The following QTMAN variants were observed in gnomAD, a reference collection of about 807,000 sequenced individuals.
The protein encoded by QTMAN is queuosine-tRNA mannosyltransferase, also known as tRNA-queuosine alpha-mannosyltransferase.
the QTMAN span, among the ~76,000 whole-genome samples, chr2:144,155,581 C>G: frequency 1.3e-5 from 2 of 152,074 alleles, no homozygotes; most frequent in Non-Finnish European, 2.9e-5. Flanking sequence ...CTTCTAAATA[C>G]TATAAAGTTT....
At chr2:144,198,516 C>T in the QTMAN span, among the ~76,000 whole-genome samples, 1 of 152,126 alleles carries the variant, frequency 6.6e-6, no homozygotes, top group East Asian at 1.9e-4. Context: ...GGGAGTGATC[C>T]ATATGGTAAG....
At chr2:144,086,252 G>C in the QTMAN span, among the ~76,000 whole-genome samples, 1 of 152,258 alleles carries the variant, frequency 6.6e-6, no homozygotes, top group East Asian at 1.9e-4. Flanking sequence ...GGAATGACAG[G>C]GTGAGTGGTA....
the QTMAN span, among the ~76,000 whole-genome samples, chr2:144,161,286 A>T: frequency 5.3e-5 from 8 of 152,312 alleles, no homozygotes; most frequent in African/African-American, 1.9e-4. Context: ...TGGAAATGAT[A>T]TATTTAATCG....
the QTMAN span, among the ~76,000 whole-genome samples, chr2:144,238,111 A>G: frequency 6.6e-6 from 1 of 152,206 alleles, no homozygotes; most frequent in Non-Finnish European, 1.5e-5. Flanking sequence ...CATGCACTCT[A>G]ACTTCCTGTA....
At chr2:144,171,039 G>A in the QTMAN span, among the ~76,000 whole-genome samples, 1 of 152,142 alleles carries the variant, frequency 6.6e-6, no homozygotes, top group African/African-American at 2.4e-5. Flanking sequence ...TTCACTAGCT[G>A]TGAGACCTGG....
the QTMAN span, among the ~76,000 whole-genome samples, chr2:143,972,143 A>G: frequency 6.6e-6 from 1 of 152,176 alleles, no homozygotes; most frequent in African/African-American, 2.4e-5. Flanking sequence ...GATAGTTCTC[A>G]CAGGTACTAC....
chr2:144,173,124 C>T, the QTMAN span, among the ~76,000 whole-genome samples: 1 of 152,192 alleles, frequency 6.6e-6, no homozygotes, highest in East Asian at 1.9e-4. Context: ...TGTTGCTGTG[C>T]TTAACTCTGT....
the QTMAN span, among the ~76,000 whole-genome samples, chr2:144,097,764 C>T: frequency 3.2e-4 from 48 of 152,208 alleles, no homozygotes; most frequent in Non-Finnish European, 6.3e-4. Context: ...CTCAGCAATG[C>T]TTTTAAACCA....
At chr2:144,077,092 A>C in the QTMAN span, among the ~76,000 whole-genome samples, 1 of 152,128 alleles carries the variant, frequency 6.6e-6, no homozygotes, top group South Asian at 2.1e-4. Context: ...ATATATTTAC[A>C]AATTTGCACT....
At chr2:144,045,882 C>A in the QTMAN span, among the ~76,000 whole-genome samples, 1 of 152,102 alleles carries the variant, frequency 6.6e-6, no homozygotes, top group Non-Finnish European at 1.5e-5. Context: ...CATGTTAGCT[C>A]CAGCAAAAAT....
At chr2:144,188,490 G>A in the QTMAN span, among the ~76,000 whole-genome samples, 1 of 151,614 alleles carries the variant, frequency 6.6e-6, no homozygotes, top group Admixed American at 6.6e-5. Flanking sequence ...ATGACATTAT[G>A]CTGAGTCCTT....
chr2:144,201,483 T>C, the QTMAN span, among the ~76,000 whole-genome samples: 3 of 152,300 alleles, frequency 2.0e-5, no homozygotes, highest in Middle Eastern at 3.4e-3. Flanking sequence ...GGATTTTACA[T>C]AGGCAATAGG....
At chr2:144,081,792 C>A in the QTMAN span, among the ~76,000 whole-genome samples, 2 of 152,114 alleles carry the variant, frequency 1.3e-5, no homozygotes, top group Non-Finnish European at 2.9e-5. Flanking sequence ...GTCATTGTGG[C>A]AACATTATTC....
At chr2:144,324,647 C>A in the QTMAN span, among the ~76,000 whole-genome samples, 24 of 152,250 alleles carry the variant, frequency 1.6e-4, no homozygotes, top group African/African-American at 5.5e-4. Flanking sequence ...GGTCCGGACA[C>A]AGAGCTTGCT....
the QTMAN span, among the ~76,000 whole-genome samples, chr2:144,151,194 A>G: frequency 6.6e-6 from 1 of 152,148 alleles, no homozygotes; most frequent in African/African-American, 2.4e-5. Context: ...ACATTATTGC[A>G]TACTTTCATT....
chr2:144,247,471 A>C, the QTMAN span, among the ~76,000 whole-genome samples: 1 of 152,214 alleles, frequency 6.6e-6, no homozygotes, highest in African/African-American at 2.4e-5. Context: ...AAAAATTGGA[A>C]TCTAACTATA....
chr2:144,192,891 AT>A, the QTMAN span, among the ~76,000 whole-genome samples: 4 of 152,108 alleles, frequency 2.6e-5, no homozygotes, highest in South Asian at 2.1e-4. Context: ...CATTTATCTA[AT>A]TTTTTTTGGC....
chr2:144,297,185 A>C, the QTMAN span, among the ~76,000 whole-genome samples: 3 of 152,298 alleles, frequency 2.0e-5, no homozygotes, highest in African/African-American at 7.2e-5. Flanking sequence ...AAGTTTAGTG[A>C]ACCACCATCA....
chr2:144,271,556 C>T, the QTMAN span, among the ~76,000 whole-genome samples: 1 of 152,150 alleles, frequency 6.6e-6, no homozygotes, highest in South Asian at 2.1e-4. Flanking sequence ...TACATAAAGA[C>T]TGAGAAATCA....
Sources: allele counts gnomAD v4.1 joint callset (sites outside exome capture counted in the v4.1 genomes callset), GRCh38; gene constraint gnomAD v4.1.1; transcripts MANE v1.5; gene names NCBI Gene and HGNC (gene_info 2026-07-23, HGNC 2026-07-21).